The following BICC1 variants were observed in gnomAD, a reference collection of about 807,000 sequenced individuals.
BICC1 encodes BicC family RNA binding protein 1, also known as protein bicaudal C homolog 1.
A neutral mutation model predicts 111.0 loss-of-function variants in BICC1; 43 were observed. That is an observed-to-expected ratio of 0.39 (90% CI 0.30 to 0.50). BICC1 has a LOEUF of 0.50. Ranked by LOEUF, BICC1 falls within the 20% of genes least tolerant of loss-of-function variation. The probability of loss-of-function intolerance (pLI) is 0.88; values close to 1 mark genes in which losing one functional copy is unlikely to be tolerated. For missense variants in BICC1, 1,091 were observed against 1,203.2 expected (o/e 0.91, Z 1.38); for synonymous variants, 467 against 434.4 (o/e 1.07, Z -0.93).
intron 1 of BICC1, among the ~76,000 whole-genome samples, chr10:58,553,644 TG>T (rs1261750559): frequency 2.0e-5 from 3 of 152,180 alleles, no homozygotes; most frequent in African/African-American, 7.2e-5. Context: ...AGGAACACCA[TG>T]CAAGTTAATT....
intron 1 of BICC1, among the ~76,000 whole-genome samples, chr10:58,594,172 G>A (rs1294422019): frequency 6.6e-6 from 1 of 151,842 alleles, no homozygotes; most frequent in Non-Finnish European, 1.5e-5. Flanking sequence ...GACAAGATTA[G>A]AGAAAAAAGG....
chr10:58,669,373 A>C (rs918925450), intron 2 of BICC1, among the ~76,000 whole-genome samples: 3 of 152,136 alleles, frequency 2.0e-5, no homozygotes, highest in Admixed American at 2.0e-4. Flanking sequence ...ATGAGAGTCT[A>C]TTTGGAGCAT....
intron 1 of BICC1, among the ~76,000 whole-genome samples, chr10:58,524,280 C>T (rs369725235): frequency 3.9e-5 from 6 of 152,154 alleles, no homozygotes; most frequent in East Asian, 1.9e-4. Flanking sequence ...GGAGGCACCA[C>T]GCTACCTGAC....
intron 1 of BICC1, among the ~76,000 whole-genome samples, chr10:58,563,178 G>A (rs1048335533): frequency 3.3e-5 from 5 of 152,202 alleles, no homozygotes; most frequent in African/African-American, 1.2e-4. Context: ...GAATTGCAGG[G>A]ATATTAGGCC....
chr10:58,753,272 G>A (rs997047690), intron 3 of BICC1, among the ~76,000 whole-genome samples: 7 of 152,138 alleles, frequency 4.6e-5, no homozygotes, highest in East Asian at 1.9e-4. Context: ...AGGCTTAAGC[G>A]GTTCCCCCAC....
chr10:58,715,967 C>T, intron 3 of BICC1: 2 of 1,385,502 alleles, frequency 1.4e-6, no homozygotes, highest in Admixed American at 2.0e-5. Context: ...AAGAACCGTT[C>T]ACATAAATCT....
At position 58,537,925 on chromosome 10, in the gene BICC1, C is replaced by CTT. The variant is rs141353036; in HGVS notation, c.190+24592_190+24593insTT. Among the ~76,000 whole-genome samples the CTT allele has an allele frequency of 1.5e-4, 22 of 151,562 alleles. 1 individual carries two copies. The East Asian group carries it at 4.1e-3, about 28-fold the overall frequency. On this transcript the variant is annotated intron_variant, in intron 1 of 20. Coordinates refer to ENST00000373886, the MANE Select transcript of BICC1 (RefSeq NM_001080512.3). ...AATATATATAACCAAGGAAGTGAAA[C>CTT]ATCTGTACAAGGAGAACTACAAAAT...
intron 2 of BICC1, among the ~76,000 whole-genome samples, chr10:58,695,304 T>A (rs929467297): frequency 1.3e-5 from 2 of 152,162 alleles, no homozygotes; most frequent in African/African-American, 4.8e-5. Context: ...CTTAGCTCCC[T>A]TCATGGTGAA....
At chr10:58,782,401 A>C (rs1842905733) in intron 3 of BICC1, among the ~76,000 whole-genome samples, 2 of 152,186 alleles carry the variant, frequency 1.3e-5, no homozygotes, top group Admixed American at 1.3e-4. Context: ...CCAATACATA[A>C]ATGACTACAA....
intron 1 of BICC1, among the ~76,000 whole-genome samples, chr10:58,564,485 G>A (rs1262697206): frequency 1.3e-5 from 2 of 152,198 alleles, no homozygotes; most frequent in Non-Finnish European, 2.9e-5. Context: ...ACTGTAAGCT[G>A]CTCCTTGTCA....
At chr10:58,758,043 T>A (rs553222825) in intron 3 of BICC1, among the ~76,000 whole-genome samples, 9 of 152,256 alleles carry the variant, frequency 5.9e-5, no homozygotes, top group African/African-American at 2.2e-4. Context: ...ACTTAACACA[T>A]TTGCAGTATT....
intron 2 of BICC1, among the ~76,000 whole-genome samples, chr10:58,651,662 C>T (rs1838452882): frequency 1.3e-5 from 2 of 152,122 alleles, no homozygotes; most frequent in South Asian, 4.1e-4. Flanking sequence ...CTTTTTTAGA[C>T]ACCTCCAGTC....
intron 1 of BICC1, among the ~76,000 whole-genome samples, chr10:58,617,867 C>T (rs1199716970): frequency 6.6e-6 from 1 of 152,348 alleles, no homozygotes; most frequent in South Asian, 2.1e-4. Context: ...GTTGCCTGCC[C>T]CAGTGCTCCT....
intron 2 of BICC1, among the ~76,000 whole-genome samples, chr10:58,649,638 AAG>A (rs1257083428): frequency 2.6e-5 from 4 of 152,202 alleles, no homozygotes; most frequent in African/African-American, 9.6e-5. Context: ...AAGCAGTGGA[AAG>A]AGAATTGTGA....
chr10:58,590,528 T>G (rs1465203025), intron 1 of BICC1, among the ~76,000 whole-genome samples: 2 of 152,176 alleles, frequency 1.3e-5, no homozygotes, highest in African/African-American at 2.4e-5. Context: ...AAATTTGAAG[T>G]GTGTATTGAA....
intron 2 of BICC1, among the ~76,000 whole-genome samples, chr10:58,652,194 A>G (rs959872516): frequency 6.6e-6 from 1 of 152,130 alleles, no homozygotes; most frequent in Admixed American, 6.5e-5. Context: ...TAACCAATCT[A>G]TCATCTCTAG....
intron 1 of BICC1, among the ~76,000 whole-genome samples, chr10:58,605,456 C>T (rs1399039982): frequency 6.6e-6 from 1 of 152,112 alleles, no homozygotes; most frequent in Non-Finnish European, 1.5e-5. Context: ...TCTGTTTTCC[C>T]AATAAAGTTT....
chr10:58,707,849 C>T (rs983533838), intron 3 of BICC1, among the ~76,000 whole-genome samples: 2 of 152,150 alleles, frequency 1.3e-5, no homozygotes, highest in African/African-American at 4.8e-5. Context: ...AGGCACCTGC[C>T]ACCACGCCCG....
At chr10:58,578,416 C>T (rs936487724) in intron 1 of BICC1, among the ~76,000 whole-genome samples, 2 of 152,140 alleles carry the variant, frequency 1.3e-5, no homozygotes, top group Admixed American at 1.3e-4. Flanking sequence ...CAATACATCA[C>T]CCTAATTGAT....
Sources: gnomAD v4.1 joint callset for allele counts (sites outside exome capture counted in the v4.1 genomes callset) on GRCh38, gnomAD v4.1.1 for gene constraint, MANE v1.5 for transcripts, NCBI Gene and HGNC (gene_info 2026-07-23, HGNC 2026-07-21) for gene names.